Variants in FANCL observed in about 807,000 individuals in gnomAD.
FANCL encodes E3 ubiquitin-protein ligase FANCL.
In FANCL, 69 loss-of-function variants were observed where a neutral mutation model predicts 59.4. The observed-to-expected ratio is 1.16, with a 90% confidence interval of 0.96 to 1.42. FANCL has a LOEUF of 1.42. Among genes scored for constraint, FANCL ranks in the 40% most tolerant of loss-of-function variants. FANCL has a pLI of 0.00. For missense variants in FANCL, 519 were observed against 447.2 expected (o/e 1.16, Z -1.45); for synonymous variants, 180 against 147.1 (o/e 1.22, Z -1.62).
intron 5 of FANCL, among the ~76,000 whole-genome samples, chr2:58,209,547 T>G (rs1690925524): frequency 6.6e-6 from 1 of 152,150 alleles, no homozygotes; most frequent in Non-Finnish European, 1.5e-5. Flanking sequence ...TGTAATTAAG[T>G]CATAACACTA....
intron 7 of FANCL, among the ~76,000 whole-genome samples, chr2:58,195,837 G>A (rs1689373842): frequency 6.6e-6 from 1 of 152,020 alleles, no homozygotes; most frequent in Non-Finnish European, 1.5e-5. Context: ...CAACAATCTA[G>A]GGAAGGCAAT....
At chr2:58,163,291 A>C (rs559028388) in intron 9 of FANCL, 143 bp downstream of exon 9, 299 of 749,348 alleles carry the variant, frequency 4.0e-4, no homozygotes, top group Non-Finnish European at 5.6e-4. Context: ...ATTACACTAC[A>C]TACTGGGCAA....
chr2:58,177,015 G>A (rs1395173590), intron 7 of FANCL, among the ~76,000 whole-genome samples: 14 of 152,038 alleles, frequency 9.2e-5, no homozygotes, highest in Non-Finnish European at 1.3e-4. Context: ...ATGCAGCCAA[G>A]AAACACATGA....
Position 58,187,405 on chromosome 2 carries a change from G to C in FANCL, c.540+11189C>G, listed in dbSNP as rs567527371. On this transcript the variant is annotated intron_variant, in intron 7 of 13. Coordinates refer to ENST00000233741, the MANE Select transcript of FANCL (RefSeq NM_018062.4). ...ACAGGGCAAGGAACATCACACACTG[G>C]GGCCTGTCGTGGGGTGGGGGGGATG... is the stretch of plus-strand genomic sequence containing the variant. Among the ~76,000 whole-genome samples the C allele has an allele frequency of 2.4e-4, 35 of 148,810 alleles. 1 individual carries two copies. In the South Asian group the frequency reaches 6.8e-3, roughly 29 times the overall value.
chr2:58,240,377 T>C, intron 1 of FANCL, among the ~76,000 whole-genome samples: 1 of 152,086 alleles, frequency 6.6e-6, no homozygotes, highest in Non-Finnish European at 1.5e-5. Flanking sequence ...AAAGGAAAAG[T>C]CTACACTCCT....
intron 1 of FANCL, among the ~76,000 whole-genome samples, 192 bp downstream of exon 1, chr2:58,241,026 C>T (rs1694486467): frequency 6.6e-6 from 1 of 152,116 alleles, no homozygotes; most frequent in South Asian, 2.1e-4. Context: ...GCTCCCCATC[C>T]AGCGCGGCGA....
intron 4 of FANCL, among the ~76,000 whole-genome samples, chr2:58,224,461 T>A (rs1468418016): frequency 6.6e-6 from 1 of 151,836 alleles, no homozygotes; most frequent in Non-Finnish European, 1.5e-5. Flanking sequence ...TAAATCAAAA[T>A]TCAAACTTTA....
intron 1 of FANCL, among the ~76,000 whole-genome samples, chr2:58,232,389 G>A (rs1693669264): frequency 6.6e-6 from 1 of 151,716 alleles, no homozygotes; most frequent in African/African-American, 2.4e-5. Flanking sequence ...ACAAACACAA[G>A]AAATATTACA....
At chr2:58,205,688 T>C (rs1000701407) in intron 5 of FANCL, among the ~76,000 whole-genome samples, 2 of 151,752 alleles carry the variant, frequency 1.3e-5, no homozygotes, top group African/African-American at 4.8e-5. Flanking sequence ...TTTAGGAAAA[T>C]GTAGAGTAGT....
intron 12 of FANCL, 53 bp from the exon 13 acceptor site, chr2:58,160,232 A>C (rs1684924546): frequency 6.6e-7 from 1 of 1,516,640 alleles, no homozygotes; most frequent in Non-Finnish European, 9.2e-7. Context: ...CAAATTACAG[A>C]TACTCCAAAT....
chr2:58,219,177 T>A (rs1477021988), intron 5 of FANCL, among the ~76,000 whole-genome samples: 162 of 66,486 alleles, frequency 2.4e-3, no homozygotes, highest in Middle Eastern at 8.3e-3. Context: ...AAAAAATATA[T>A]ATATATATAT....
At chr2:58,165,664 T>G (rs1455650841) in intron 8 of FANCL, 60 bp downstream of exon 8, 7 of 738,254 alleles carry the variant, frequency 9.5e-6, no homozygotes, top group African/African-American at 9.3e-5. Context: ...TTGTTAGATT[T>G]ATTTTCATAA....
chr2:58,177,826 C>T (rs2104931502), intron 7 of FANCL, among the ~76,000 whole-genome samples: 1 of 146,950 alleles, frequency 6.8e-6, no homozygotes, highest in East Asian at 2.1e-4. Flanking sequence ...CAAAAAAAAC[C>T]CAAATAGACC....
chr2:58,198,749 G>A (rs1205928843), intron 6 of FANCL, 87 bp from the exon 7 acceptor site: 1 of 1,057,280 alleles, frequency 9.5e-7, no homozygotes. Context: ...TGTATTAGGG[G>A]CCGGGCGCGG....
At chr2:58,172,495 C>A (rs1214302897) in intron 7 of FANCL, among the ~76,000 whole-genome samples, 1 of 152,192 alleles carries the variant, frequency 6.6e-6, no homozygotes, top group Admixed American at 6.5e-5. Flanking sequence ...CAAACAGGGT[C>A]TGGAGTGGAC....
intron 5 of FANCL, among the ~76,000 whole-genome samples, chr2:58,210,597 A>C (rs1409847557): frequency 6.6e-6 from 1 of 152,146 alleles, no homozygotes; most frequent in African/African-American, 2.4e-5. Context: ...CATTAACTCA[A>C]AAGTCCACAG....
chr2:58,180,810 T>G (rs553466759), intron 7 of FANCL, among the ~76,000 whole-genome samples: 4 of 151,962 alleles, frequency 2.6e-5, no homozygotes, highest in Non-Finnish European at 4.4e-5. Context: ...TAAAGGTTTT[T>G]TGTGTGTGTG....
chr2:58,206,586 T>A (rs1026315542), intron 5 of FANCL, among the ~76,000 whole-genome samples: 4 of 152,180 alleles, frequency 2.6e-5, no homozygotes, highest in Admixed American at 2.6e-4. Context: ...TTTTTTAACA[T>A]CTATAAAATA....
chr2:58,225,031 C>A (rs1035975992), intron 4 of FANCL, among the ~76,000 whole-genome samples: 1 of 151,410 alleles, frequency 6.6e-6, no homozygotes, highest in African/African-American at 2.4e-5. Flanking sequence ...ATTACAGTTA[C>A]GGAATAAAAT....
Sources: gnomAD v4.1 joint callset for allele counts (sites outside exome capture counted in the v4.1 genomes callset) on GRCh38, gnomAD v4.1.1 for gene constraint, MANE v1.5 for transcripts, NCBI Gene and HGNC (gene_info 2026-07-23, HGNC 2026-07-21) for gene names.